TNPO1: variants seen among roughly 807,000 people sequenced by gnomAD.
TNPO1 encodes transportin-1.
In TNPO1, 8 loss-of-function variants were observed where a neutral mutation model predicts 119.5. That is an observed-to-expected ratio of 0.07 (90% CI 0.04 to 0.12). The LOEUF (loss-of-function observed/expected upper bound fraction) is 0.12, where lower values mean the gene tolerates loss of function less well. Ranked by LOEUF, TNPO1 falls within the 10% of genes least tolerant of loss-of-function variation. The pLI, the probability that TNPO1 is intolerant of heterozygous loss-of-function variation, is 1.00. For synonymous variants in TNPO1, 362 were observed against 363.0 expected (o/e 1.00, Z 0.03); for missense variants, 576 against 1,089.8 (o/e 0.53, Z 6.64).
intron 1 of TNPO1, among the ~76,000 whole-genome samples, chr5:72,834,587 TG>T (rs1744610165): frequency 6.6e-6 from 1 of 152,250 alleles, no homozygotes; most frequent in Non-Finnish European, 1.5e-5. Context: ...AAAATATTTT[TG>T]TATAGCTGTA....
chr5:72,852,114 G>A (rs2112263327), intron 3 of TNPO1, among the ~76,000 whole-genome samples: 1 of 152,020 alleles, frequency 6.6e-6, no homozygotes. Context: ...GCAAAAAGTG[G>A]GATCATTCTA....
intron 6 of TNPO1, among the ~76,000 whole-genome samples, chr5:72,868,215 G>A (rs950540565): frequency 2.6e-5 from 4 of 151,626 alleles, no homozygotes; most frequent in Admixed American, 1.3e-4. Context: ...GGCGGATCAC[G>A]AGGTCAGGAG....
chr5:72,864,426 G>C (rs1746727500), intron 5 of TNPO1, among the ~76,000 whole-genome samples: 1 of 152,078 alleles, frequency 6.6e-6, no homozygotes, highest in South Asian at 2.1e-4. Context: ...TAAAGTAGGT[G>C]GGTGGGTAAC....
At chr5:72,899,491 A>C (rs1213943980) in intron 20 of TNPO1, among the ~76,000 whole-genome samples, 3 of 152,200 alleles carry the variant, frequency 2.0e-5, no homozygotes, top group Non-Finnish European at 4.4e-5. Context: ...AATTTGGTTT[A>C]AATTCCCTAG....
rs140341824 is a variant in TNPO1, at chr5:72,862,189, A to G, written c.462+275A>G. ...TTGGATGTATATGTATGTAATATACAGTTTTTGTCAAGCCTAATCAGTTAA... is the reference window on the plus strand; with the variant it reads ...TTGGATGTATATGTATGTAATATACGGTTTTTGTCAAGCCTAATCAGTTAA... On this transcript the variant is annotated intron_variant, in intron 5 of 24. Transcript: ENST00000337273. Among the ~76,000 whole-genome samples the G allele has an allele frequency of 4.9e-4, 74 of 152,348 alleles. 1 individual carries two copies. The East Asian group carries it at 0.014, about 28-fold the overall frequency.
At chr5:72,821,593 C>T (rs1051938806) in intron 1 of TNPO1, among the ~76,000 whole-genome samples, 11 of 151,994 alleles carry the variant, frequency 7.2e-5, no homozygotes, top group African/African-American at 2.7e-4. Context: ...GCTAGCAAAC[C>T]ATGAAGGACT....
chr5:72,887,013 A>G (rs1201917578), intron 11 of TNPO1, 57 bp from the exon 12 acceptor site: 10 of 1,433,448 alleles, frequency 7.0e-6, no homozygotes, highest in Non-Finnish European at 9.4e-6. Context: ...TATACAATAA[A>G]TAATATATAA....
intron 5 of TNPO1, among the ~76,000 whole-genome samples, chr5:72,863,313 A>G (rs1444279112): frequency 6.6e-6 from 1 of 152,092 alleles, no homozygotes; most frequent in African/African-American, 2.4e-5. Flanking sequence ...GAATAACCTA[A>G]CCTAAAAGGG....
At chr5:72,876,818 G>A (rs1747814365) in intron 8 of TNPO1, among the ~76,000 whole-genome samples, 1 of 152,024 alleles carries the variant, frequency 6.6e-6, no homozygotes, top group Admixed American at 6.6e-5. Context: ...ATTCTGGCCG[G>A]GTGCGGTGGC....
rs144397289 is a variant in TNPO1, at chr5:72,865,168, A to G, written c.463-428A>G. ...TTTAAAATTGAATATTAGAGCGGGC[A>G]TGGTGGCCCATGCCTGTAATCCCAG... is the stretch of plus-strand genomic sequence containing the variant. On this transcript the variant is annotated intron_variant, in intron 5 of 24. Transcript: ENST00000337273. 3.9e-3 allele frequency among the ~76,000 whole-genome samples: 591 copies of G among 152,210 alleles called. 2 individuals carry two copies. The highest frequency in any genetic ancestry group is 0.011 in the African/African-American group (471 of 41,556).
chr5:72,854,361 T>G (rs529940608), intron 3 of TNPO1, among the ~76,000 whole-genome samples: 1 of 152,314 alleles, frequency 6.6e-6, no homozygotes, highest in East Asian at 1.9e-4. Flanking sequence ...AACTGCTCTT[T>G]TTGCCTCTAC....
chr5:72,888,892 A>G (rs1487034481), intron 13 of TNPO1, among the ~76,000 whole-genome samples: 1 of 152,188 alleles, frequency 6.6e-6, no homozygotes, highest in Non-Finnish European at 1.5e-5. Context: ...ATATCAAGCC[A>G]GCAGTTGCTT....
At position 72,865,675 on chromosome 5, in the gene TNPO1, A is replaced by C; in HGVS notation, c.542A>C (p.Asn181Thr). 1.2e-6 allele frequency: 2 copies of C among 1,613,876 alleles called. No individual in the cohort carries two copies. The highest frequency in any genetic ancestry group is 1.7e-6 in the Non-Finnish European group (2 of 1,179,864). The change falls in exon 6 of 25, where the codon AAC becomes ACC. Residue 181 changes from asparagine to threonine, a missense_variant. By Grantham distance (65) the Asn-to-Thr change is moderately conservative (BLOSUM62 0). This residue lies in a region of TNPO1 where 310 missense variants were observed against 583.0 expected (regional missense o/e 0.53). Transcript: ENST00000337273. ...LDSDVLDRPL[N>T]IMIPKFLQFF... is the part of the protein sequence containing the mutation. ...AGTGATGTTTTAGATCGTCCTCTCA[A>C]CATCATGATTCCCAAATTTTTACAG...
intron 23 of TNPO1, among the ~76,000 whole-genome samples, chr5:72,905,045 A>C (rs556932153): frequency 1.8e-4 from 27 of 152,180 alleles, no homozygotes; most frequent in Non-Finnish European, 3.7e-4. Context: ...AACTACCCCT[A>C]TGATTCAGTT....
Position 72,893,475 on chromosome 5 carries a change from C to G in TNPO1, c.1995C>G (p.Gly665=), listed in dbSNP as rs1389536975. The change falls in exon 17 of 25, where the codon GGC becomes GGG. Residue 665 remains glycine, a synonymous_variant. Coordinates refer to ENST00000337273, the MANE Select transcript of TNPO1 (RefSeq NM_002270.4). The part of the protein sequence containing the change: ...LLSGLAEGLG[G]NIEQLVARSN... ...GTGGCCTGGCTGAAGGACTTGGAGG[C>G]AACATTGAACAGCTGGTAGCCCGAA... 4 of 1,614,144 alleles carry G rather than the reference C, an allele frequency of 2.5e-6. No homozygotes were observed. The African/African-American group carries it at 4.0e-5, about 16-fold the overall frequency.
intron 6 of TNPO1, among the ~76,000 whole-genome samples, chr5:72,866,615 A>G (rs1161739659): frequency 6.6e-6 from 1 of 152,074 alleles, no homozygotes; most frequent in African/African-American, 2.4e-5. Context: ...TTAGCTGGGC[A>G]TGGTGTCACA....
rs114210968 is a variant in TNPO1, at chr5:72,895,268, G to A, written c.2144-1190G>A. The stretch of plus-strand genomic sequence containing the variant: ...TAAATTGTTTGGATACAGAGACTGA[G>A]GTTTAATGAGATTTACGTTGTTTTG... On this transcript the variant is annotated intron_variant, in intron 18 of 24. Coordinates refer to ENST00000337273, the MANE Select transcript of TNPO1 (RefSeq NM_002270.4). 1.7e-3 allele frequency among the ~76,000 whole-genome samples: 254 copies of A among 151,930 alleles called. 2 individuals carry two copies. The highest frequency in any genetic ancestry group is 5.9e-3 in the African/African-American group (244 of 41,450).
At chr5:72,849,134 C>G (rs1745351339) in intron 2 of TNPO1, among the ~76,000 whole-genome samples, 1 of 152,220 alleles carries the variant, frequency 6.6e-6, no homozygotes, top group Admixed American at 6.5e-5. Flanking sequence ...TTGCGAACTC[C>G]TTGTCACCCA....
At chr5:72,847,783 A>G (rs996157706) in intron 1 of TNPO1, among the ~76,000 whole-genome samples, 1 of 152,240 alleles carries the variant, frequency 6.6e-6, no homozygotes, top group Non-Finnish European at 1.5e-5. Context: ...GACTGCATCA[A>G]TATTTTAGAC....
Sources: allele counts gnomAD v4.1 joint callset (sites outside exome capture counted in the v4.1 genomes callset), GRCh38; gene constraint gnomAD v4.1.1; regional missense constraint gnomAD v4.1.1; transcripts MANE v1.5; gene names NCBI Gene and HGNC (gene_info 2026-07-23, HGNC 2026-07-21).